MAMDC2: variants seen among roughly 807,000 people sequenced by gnomAD.
MAMDC2 encodes MAM domain-containing protein 2.
Under a neutral mutation model 89.8 loss-of-function variants are expected in MAMDC2, and 57 were observed. The ratio of observed to expected loss-of-function variants is 0.63; its 90% CI spans 0.51 to 0.79. MAMDC2 has a LOEUF of 0.79. Among genes scored for constraint, MAMDC2 ranks in the 30% least tolerant of loss-of-function variants. The pLI is 0.00. For synonymous variants in MAMDC2, 313 were observed against 293.4 expected, an observed-to-expected ratio of 1.07 and a Z score of -0.68; for missense variants, 800 against 820.6, an observed-to-expected ratio of 0.97 and a Z score of 0.31.
chr9:70,222,530 T>C (rs1278857620), intron 12 of MAMDC2, among the ~76,000 whole-genome samples: 1 of 152,158 alleles, frequency 6.6e-6, no homozygotes, highest in African/African-American at 2.4e-5. Context: ...ACTCATTAGA[T>C]CATCCCTGTG....
At chr9:70,209,059 C>A (rs979476154) in intron 11 of MAMDC2, among the ~76,000 whole-genome samples, 3 of 152,108 alleles carry the variant, frequency 2.0e-5, no homozygotes, top group Non-Finnish European at 4.4e-5. Flanking sequence ...ATTTTTGCGT[C>A]GATGTTCATC....
At chr9:70,166,253 C>A (rs1297459606) in intron 9 of MAMDC2, among the ~76,000 whole-genome samples, 39 of 135,456 alleles carry the variant, frequency 2.9e-4, no homozygotes, top group African/African-American at 9.4e-4. Flanking sequence ...AAAAAAAAAA[C>A]AAAACAGAAA....
intron 2 of MAMDC2, among the ~76,000 whole-genome samples, chr9:70,103,119 T>C (rs1285651216): frequency 6.6e-6 from 1 of 152,200 alleles, no homozygotes; most frequent in Non-Finnish European, 1.5e-5. Context: ...CAAAATCAAC[T>C]TTTTAAGAGC....
intron 2 of MAMDC2, among the ~76,000 whole-genome samples, chr9:70,070,196 G>C (rs1316037956): frequency 6.6e-6 from 1 of 152,108 alleles, no homozygotes; most frequent in Non-Finnish European, 1.5e-5. Context: ...ACTGCTCCTT[G>C]GGAGGAGAAA....
chr9:70,105,319 T>C (rs919585669), intron 2 of MAMDC2, among the ~76,000 whole-genome samples: 4 of 152,052 alleles, frequency 2.6e-5, no homozygotes, highest in African/African-American at 9.7e-5. Flanking sequence ...CATGCAGCAC[T>C]ATGTTTAGAA....
intron 5 of MAMDC2, among the ~76,000 whole-genome samples, chr9:70,123,984 A>G (rs886186507): frequency 2.0e-5 from 3 of 152,226 alleles, no homozygotes; most frequent in African/African-American, 7.2e-5. Flanking sequence ...ATTTTGTGAC[A>G]GCAGCCCTAG....
In MAMDC2 at chr9:70,076,910, G is replaced by A. The variant is rs779232409; in HGVS notation, c.149-31301G>A. On this transcript the variant is annotated intron_variant, in intron 2 of 13. Transcript: ENST00000377182. ...TGTTAGAGCAAAAGCAGCACAGAGC[G>A]TTCCCTTGGAGATTGTCATATATGG... is the stretch of plus-strand genomic sequence containing the variant. Among the ~76,000 whole-genome samples the A allele has an allele frequency of 1.1e-4, 16 of 152,300 alleles. No homozygotes were observed. In the East Asian group the frequency reaches 1.4e-3, roughly 13 times the overall value.
chr9:70,217,156 GC>G lies in MAMDC2; in HGVS notation c.1652-1180del. The G allele has an allele frequency of 3.0e-5, 19 of 633,474 alleles. 1 individual carries two copies. In the South Asian group the frequency reaches 3.5e-4, roughly 12 times the overall value. The allele number at this position is 633,474 out of a possible 1,614,324, so 39.2% of individuals were successfully genotyped here. On this transcript the variant is annotated intron_variant, in intron 11 of 13. Transcript: ENST00000377182. The stretch of plus-strand genomic sequence containing the variant: ...CAATTTAAAAATATTACAGAATATG[GC>G]TCTTCGCCATCTTTTCTCTTCCCGT...
intron 11 of MAMDC2, among the ~76,000 whole-genome samples, chr9:70,209,760 T>C (rs545443758): frequency 4.6e-5 from 7 of 152,350 alleles, no homozygotes; most frequent in Non-Finnish European, 1.0e-4. Flanking sequence ...CTGCTTTCTC[T>C]TGTGGGCATT....
chr9:70,130,511 A>G (rs1035951118), intron 6 of MAMDC2, among the ~76,000 whole-genome samples: 2 of 152,142 alleles, frequency 1.3e-5, no homozygotes, highest in Non-Finnish European at 2.9e-5. Flanking sequence ...CTGTGCTGAC[A>G]TCTGATTCCC....
At chr9:70,204,449 C>T (rs2033173954) in intron 11 of MAMDC2, among the ~76,000 whole-genome samples, 1 of 150,472 alleles carries the variant, frequency 6.6e-6, no homozygotes, top group African/African-American at 2.4e-5. Context: ...AGAACCACTG[C>T]TCTCTTCAAA....
intron 2 of MAMDC2, among the ~76,000 whole-genome samples, chr9:70,045,785 T>C (rs1826735933): frequency 6.6e-6 from 1 of 152,308 alleles, no homozygotes; most frequent in South Asian, 2.1e-4. Flanking sequence ...CATAGAATAT[T>C]CAAATGGCTA....
At chr9:70,165,299 C>G (rs1375659487) in intron 9 of MAMDC2, among the ~76,000 whole-genome samples, 5 of 152,202 alleles carry the variant, frequency 3.3e-5, no homozygotes, top group Non-Finnish European at 7.3e-5. Flanking sequence ...ACCTCTCCAC[C>G]TCAAGGAGCA....
chr9:70,053,324 A>G (rs1280838119), intron 2 of MAMDC2, among the ~76,000 whole-genome samples: 1 of 152,244 alleles, frequency 6.6e-6, no homozygotes, highest in African/African-American at 2.4e-5. Flanking sequence ...TATCATTACC[A>G]TAATTTCATT....
intron 11 of MAMDC2, among the ~76,000 whole-genome samples, chr9:70,190,826 A>G (rs767905951): frequency 4.6e-5 from 7 of 152,260 alleles, no homozygotes; most frequent in Middle Eastern, 3.4e-3. Flanking sequence ...ATTTACTTCA[A>G]TCAGGTTAAA....
At position 70,170,641 on chromosome 9, in the gene MAMDC2, G is replaced by A. The variant is rs2032312475; in HGVS notation, c.1651+10G>A. The A allele has an allele frequency of 1.9e-6, 3 of 1,572,518 alleles. 1 individual carries two copies. The highest frequency in any genetic ancestry group is 2.6e-6 in the Non-Finnish European group (3 of 1,162,840). On this transcript the variant is annotated intron_variant, in intron 11 of 13. Transcript: ENST00000377182. The stretch of plus-strand genomic sequence containing the variant: ...CACACTACTGGGGTAGGTGAGTTAT[G>A]CCACGTGGTGCTGTTTCCTAAGGAA...
At chr9:70,189,879 CT>C (rs1248606762) in intron 11 of MAMDC2, among the ~76,000 whole-genome samples, 1 of 152,094 alleles carries the variant, frequency 6.6e-6, no homozygotes, top group Admixed American at 6.5e-5. Flanking sequence ...CTGCTGGGCC[CT>C]CTCATGAATA....
At chr9:70,208,542 A>G (rs1287590228) in intron 11 of MAMDC2, among the ~76,000 whole-genome samples, 1 of 152,144 alleles carries the variant, frequency 6.6e-6, no homozygotes, top group African/African-American at 2.4e-5. Flanking sequence ...GGCTGAGATG[A>G]TGGGGTTTTC....
intron 5 of MAMDC2, among the ~76,000 whole-genome samples, chr9:70,120,613 T>C (rs1207550511): frequency 6.6e-6 from 1 of 152,188 alleles, no homozygotes; most frequent in East Asian, 1.9e-4. Context: ...CTAACACTTG[T>C]AGAGCTGGGG....
Sources: gnomAD v4.1 joint callset for allele counts (sites outside exome capture counted in the v4.1 genomes callset) on GRCh38, gnomAD v4.1.1 for gene constraint, MANE v1.5 for transcripts, NCBI Gene and HGNC (gene_info 2026-07-23, HGNC 2026-07-21) for gene names.